Variants in CACNA1E observed in about 807,000 individuals in gnomAD.
The protein encoded by CACNA1E is voltage-dependent R-type calcium channel subunit alpha-1E.
CACNA1E carries 40 observed loss-of-function variants against 259.2 expected under a neutral mutation model. The observed-to-expected ratio is 0.15, with a 90% confidence interval of 0.12 to 0.20. The LOEUF (loss-of-function observed/expected upper bound fraction) is 0.20. Among genes scored for constraint, CACNA1E ranks in the 10% least tolerant of loss-of-function variants. The pLI is 1.00. For synonymous variants in CACNA1E, 1,104 were observed against 1,138.5 expected, an observed-to-expected ratio of 0.97 and a Z score of 0.61; for missense variants, 1,874 against 3,040.1, an observed-to-expected ratio of 0.62 and a Z score of 9.02.
upstream of CACNA1E, among the ~76,000 whole-genome samples, chr1:181,482,275 TGGCACCGCTCCC>T (rs1467748354): frequency 2.0e-5 from 3 of 152,198 alleles, no homozygotes; most frequent in Admixed American, 6.5e-5. Flanking sequence ...GGCGGGCCCG[TGGCACCGCTCCC>T]GGCACCGAAC....
intron 3 of CACNA1E, among the ~76,000 whole-genome samples, chr1:181,567,557 AAG>A (rs1649968500): frequency 6.6e-6 from 1 of 152,240 alleles, no homozygotes; most frequent in African/African-American, 2.4e-5. Flanking sequence ...AAAGAGGAGA[AAG>A]AGCTTTAAGA....
At chr1:181,790,653 C>T in intron 44 of CACNA1E, 97 bp downstream of exon 44, 1 of 828,966 alleles carries the variant, frequency 1.2e-6, no homozygotes, top group Non-Finnish European at 2.0e-6. Flanking sequence ...CAGGAAAATC[C>T]ATTCTAGTAG....
At chr1:181,343,493 C>T (rs182194474) in intron 1 of CACNA1E, among the ~76,000 whole-genome samples, 32 of 152,268 alleles carry the variant, frequency 2.1e-4, no homozygotes, top group African/African-American at 7.7e-4. Flanking sequence ...TCCCCTTTCC[C>T]TTCTACCGTG....
intron 2 of CACNA1E, among the ~76,000 whole-genome samples, chr1:181,451,552 G>C (rs530600049): frequency 6.6e-6 from 1 of 152,178 alleles, no homozygotes; most frequent in African/African-American, 2.4e-5. Flanking sequence ...GGGCATGGTG[G>C]CGCATGCCTG....
intron 1 of CACNA1E, among the ~76,000 whole-genome samples, chr1:181,355,298 T>G (rs1653338553): frequency 6.6e-6 from 1 of 152,098 alleles, no homozygotes; most frequent in South Asian, 2.1e-4. Flanking sequence ...CATTAGACAA[T>G]GAGTACAGGC....
At chr1:181,609,625 T>C (rs1336113756) in intron 6 of CACNA1E, among the ~76,000 whole-genome samples, 1 of 152,102 alleles carries the variant, frequency 6.6e-6, no homozygotes, top group Non-Finnish European at 1.5e-5. Flanking sequence ...GCTTGGCTAT[T>C]TGTGTGCAAG....
intron 2 of CACNA1E, among the ~76,000 whole-genome samples, chr1:181,464,452 AGGTACCTTAT>A (rs1163534380): frequency 1.2e-4 from 18 of 151,644 alleles, no homozygotes; most frequent in Admixed American, 1.2e-3. Context: ...GTTTGTTTTT[AGGTACCTTAT>A]GGTTTTGTTG....
At chr1:181,572,814 T>C (rs1650550251) in intron 3 of CACNA1E, among the ~76,000 whole-genome samples, 1 of 152,142 alleles carries the variant, frequency 6.6e-6, no homozygotes, top group African/African-American at 2.4e-5. Flanking sequence ...CTTTTGTACA[T>C]AGTAATTAGG....
At chr1:181,424,334 AG>A (rs1200811627) in intron 2 of CACNA1E, among the ~76,000 whole-genome samples, 1 of 152,220 alleles carries the variant, frequency 6.6e-6, no homozygotes, top group African/African-American at 2.4e-5. Context: ...GGGGAACTTC[AG>A]CACACACCCT....
intron 7 of CACNA1E, among the ~76,000 whole-genome samples, chr1:181,708,090 C>T (rs1485116507): frequency 6.6e-6 from 1 of 152,168 alleles, no homozygotes; most frequent in Non-Finnish European, 1.5e-5. Flanking sequence ...CTTGAACGCC[C>T]ATCCTGCCTT....
chr1:181,355,358 C>G (rs1384603658), intron 1 of CACNA1E, among the ~76,000 whole-genome samples: 1 of 152,150 alleles, frequency 6.6e-6, no homozygotes, highest in East Asian at 1.9e-4. Flanking sequence ...GAGGCCCAGG[C>G]AGGTGGATCA....
rs1663536362 is a variant in CACNA1E at position 181,483,894 on chromosome 1, G to T, written c.150G>T (p.Met50Ile). The change falls in exon 1 of 48, where the codon ATG becomes ATT. Residue 50 changes from methionine (M) to isoleucine (I), a missense_variant. By Grantham distance (10) the Met-to-Ile change is conservative. This residue lies in a region of CACNA1E where 110 missense variants were observed against 122.8 expected (regional missense o/e 0.90). Coordinates refer to ENST00000367573, the MANE Select transcript of CACNA1E (RefSeq NM_001205293.3). The part of the protein sequence containing the change: ...KQTKAQRART[M>I]ALYNPIPVRQ... ...CGAAAGCACAGAGGGCGCGGACTAT[G>T]GCTTTGTACAACCCCATTCCCGTCC... 1 of 1,613,630 alleles carries T rather than the reference G, an allele frequency of 6.2e-7. No individual in the cohort carries two copies. Among genetic ancestry groups the T allele is most frequent in the Non-Finnish European group, 8.5e-7 (1 of 1,179,858 alleles).
chr1:181,433,685 A>G (rs1360959967), intron 2 of CACNA1E, among the ~76,000 whole-genome samples: 1 of 152,154 alleles, frequency 6.6e-6, no homozygotes, highest in Non-Finnish European at 1.5e-5. Flanking sequence ...AATGTGTTTT[A>G]AATTTCTTTT....
At chr1:181,666,707 AAT>A (rs758610138) in intron 7 of CACNA1E, among the ~76,000 whole-genome samples, 10 of 148,124 alleles carry the variant, frequency 6.8e-5, no homozygotes, top group South Asian at 2.2e-4. Flanking sequence ...ACAGGAACCA[AAT>A]ATATATATAT....
intron 6 of CACNA1E, among the ~76,000 whole-genome samples, chr1:181,610,336 C>G (rs888839489): frequency 2.0e-5 from 3 of 152,156 alleles, no homozygotes; most frequent in African/African-American, 7.2e-5. Context: ...AGGTTGAGAA[C>G]GCTCCTCCCA....
chr1:181,397,045 A>AG (rs1557969891), intron 1 of CACNA1E, among the ~76,000 whole-genome samples: 1 of 152,156 alleles, frequency 6.6e-6, no homozygotes, highest in Non-Finnish European at 1.5e-5. Context: ...CCTGCTTTGT[A>AG]GGGTAGTTCC....
chr1:181,788,760 C>T (rs570408869), intron 43 of CACNA1E, among the ~76,000 whole-genome samples: 210 of 152,318 alleles, frequency 1.4e-3, no homozygotes, highest in African/African-American at 4.7e-3. Flanking sequence ...TAGGAGATCA[C>T]TCTGGGTTCC....
At chr1:181,545,100 CA>C (rs372014673) in intron 3 of CACNA1E, among the ~76,000 whole-genome samples, 1,917 of 146,586 alleles carry the variant, frequency 0.013, 16 homozygotes, top group Non-Finnish European at 0.019. Context: ...ATTTCAGCTC[CA>C]AAAAAAAAAG....
intron 7 of CACNA1E, among the ~76,000 whole-genome samples, chr1:181,709,952 G>T (rs1380033547): frequency 6.6e-6 from 1 of 152,230 alleles, no homozygotes; most frequent in Non-Finnish European, 1.5e-5. Context: ...GGCTTCTGGA[G>T]GAACCTGTTA....
Sources: gnomAD v4.1 joint callset for allele counts (sites outside exome capture counted in the v4.1 genomes callset) on GRCh38, gnomAD v4.1.1 for gene constraint, gnomAD v4.1.1 regional missense constraint, MANE v1.5 for transcripts, NCBI Gene and HGNC (gene_info 2026-07-23, HGNC 2026-07-21) for gene names.